Variants in TVP23A observed in about 807,000 individuals in gnomAD.
The protein encoded by TVP23A is Golgi apparatus membrane protein TVP23 homolog A.
In TVP23A, 21 loss-of-function variants were observed where a neutral mutation model predicts 31.7. The observed-to-expected ratio is 0.66, with a 90% confidence interval of 0.47 to 0.95. TVP23A has a LOEUF of 0.95. Ranked by LOEUF, TVP23A falls within the 40% of genes least tolerant of loss-of-function variation. The pLI is 0.00. For missense variants in TVP23A, 279 were observed against 255.6 expected (o/e 1.09, Z -0.62); for synonymous variants, 104 against 96.0 (o/e 1.08, Z -0.49).
intron 2 of TVP23A, among the ~76,000 whole-genome samples, chr16:10,780,897 C>T (rs541308603): frequency 6.6e-6 from 1 of 152,178 alleles, no homozygotes; most frequent in East Asian, 1.9e-4. Flanking sequence ...GAGGGGACTA[C>T]CTTTTGTCTT....
chr16:10,807,669 G>T (rs1355298898), intron 2 of TVP23A, among the ~76,000 whole-genome samples: 1 of 152,174 alleles, frequency 6.6e-6, no homozygotes, highest in African/African-American at 2.4e-5. Context: ...TGCCAAGGCT[G>T]AGAAGCTGCT....
chr16:10,773,076 C>T (rs1168414975), intron 5 of TVP23A, among the ~76,000 whole-genome samples: 1 of 152,180 alleles, frequency 6.6e-6, no homozygotes, highest in Non-Finnish European at 1.5e-5. Flanking sequence ...CTCCTGAGCT[C>T]AAGCAATCCT....
chr16:10,765,434 G>C (rs1480873588), downstream of TVP23A, among the ~76,000 whole-genome samples: 2 of 151,996 alleles, frequency 1.3e-5, no homozygotes, highest in Non-Finnish European at 2.9e-5. The surrounding 1 kb of genome is among the most constrained non-coding windows in gnomAD (Gnocchi z 4.0). Flanking sequence ...TTGAGCCCAG[G>C]GAGGTTGAGG....
chr16:10,789,050 G>A (rs746170539), intron 2 of TVP23A, among the ~76,000 whole-genome samples: 2 of 152,112 alleles, frequency 1.3e-5, no homozygotes, highest in Non-Finnish European at 2.9e-5. Flanking sequence ...AACAGATCTC[G>A]AACTCCTGAC....
chr16:10,762,806 G>A (rs2030177926), downstream of TVP23A, among the ~76,000 whole-genome samples: 1 of 148,916 alleles, frequency 6.7e-6, no homozygotes, highest in Non-Finnish European at 1.5e-5. Context: ...GAGGGTGGGG[G>A]CCGCGTGCTT....
chr16:10,758,089 C>A (rs773837662), downstream of TVP23A: 5 of 1,567,554 alleles, frequency 3.2e-6, no homozygotes, highest in Non-Finnish European at 4.4e-6. Context: ...GATTTCTTTC[C>A]TACCTGGCTC....
chr16:10,818,322 C>G lies in TVP23A; in HGVS notation c.10-140G>C. 3 of 1,348,888 alleles carry G rather than the reference C, an allele frequency of 2.2e-6. No individual in the cohort carries two copies. Among genetic ancestry groups the G allele is most frequent in the Non-Finnish European group, 2.0e-6 (2 of 982,810 alleles). 83.6% of individuals were successfully genotyped at this position (1,348,888 alleles called of 1,614,324 possible). A position where few individuals can be genotyped will look rare whatever the true frequency, so the allele number is the denominator to read the frequency against. On this transcript the variant is annotated intron_variant, in intron 1 of 7. Transcript: ENST00000299866. The surrounding 1 kb of genome is among the most constrained non-coding windows in gnomAD (Gnocchi z 4.7). ...ACCCTCCGAGCTGGCGGGGCCCCTC[C>G]GCTGCGGCTGCAGTGCAAAGCCCTC...
At position 10,818,723 on chromosome 16, in the gene TVP23A, G is replaced by T; in HGVS notation, c.-230C>A. ...GGAGGGGGCTCGGCTCGCCGGGGAC[G>T]CGCCCAGGAGAGAAAGCGGCGGCAG... is the stretch of plus-strand genomic sequence containing the variant. On this transcript the variant is annotated 5_prime_UTR_variant, in exon 1 of 8. Transcript: ENST00000299866. The surrounding 1 kb of genome is among the most constrained non-coding windows in gnomAD (Gnocchi z 4.7). 1 of 505,604 alleles carries T rather than the reference G, an allele frequency of 2.0e-6. No individual in the cohort carries two copies. The highest frequency in any genetic ancestry group is 3.4e-6 in the Non-Finnish European group (1 of 294,200). 31.3% of individuals were successfully genotyped at this position (505,604 alleles called of 1,614,324 possible). A position where few individuals can be genotyped will look rare whatever the true frequency, so the allele number is the denominator to read the frequency against.
intron 2 of TVP23A, among the ~76,000 whole-genome samples, chr16:10,782,476 G>A (rs1567288750): frequency 6.6e-6 from 1 of 151,982 alleles, no homozygotes; most frequent in Non-Finnish European, 1.5e-5. Context: ...GTGTCATGAA[G>A]TTTTGTTGGT....
In TVP23A at chr16:10,779,594, G is replaced by C. The variant is rs547006961; in HGVS notation, c.90-4498C>G. ...ATGGCACCAGCTGCGTGTGTTCCCG[G>C]ACCAACTGAGAATCAGGCGGCATAT... is the stretch of plus-strand genomic sequence containing the variant. On this transcript the variant is annotated intron_variant, in intron 2 of 7. Transcript: ENST00000299866. The surrounding 1 kb of genome is among the most constrained non-coding windows in gnomAD (Gnocchi z 4.9). Among the ~76,000 whole-genome samples, 1 of 152,308 alleles carries C rather than the reference G, an allele frequency of 6.6e-6. No homozygotes were observed. Among genetic ancestry groups the C allele is most frequent in the African/African-American group, 2.4e-5 (1 of 41,570 alleles).
chr16:10,784,261 G>A (rs138935379), intron 2 of TVP23A, among the ~76,000 whole-genome samples: 244 of 149,834 alleles, frequency 1.6e-3, no homozygotes, highest in African/African-American at 4.8e-3. Context: ...CCCAGGAGGC[G>A]GAGGTTGCAG....
chr16:10,818,159 ATCCTCGGTATCG>A lies in TVP23A; in HGVS notation c.21_32del (p.Asp8_Asp11del). 2 of 1,607,440 alleles carry A rather than the reference ATCCTCGGTATCG, an allele frequency of 1.2e-6. No individual in the cohort carries two copies. The highest frequency in any genetic ancestry group is 8.5e-7 in the Non-Finnish European group (1 of 1,177,148). ...CCTCGTTTCCAAAGTCCAGGGACAC[ATCCTCGGTATCG>A]TCCACCAGGGCCTGGGAGGAGAGCA... On this transcript the variant is annotated inframe_deletion, in exon 2 of 8. Transcript: ENST00000299866. This position sits in a 1 kb window ranked among gnomAD's most constrained non-coding sequence, Gnocchi z 4.7.
At chr16:10,769,994 G>A (rs1398165906) in intron 7 of TVP23A, among the ~76,000 whole-genome samples, 1 of 150,492 alleles carries the variant, frequency 6.6e-6, no homozygotes, top group Non-Finnish European at 1.5e-5. Context: ...TTCCCTCCCC[G>A]CCCTTCCCTA....
At chr16:10,787,416 G>C (rs943130298) in intron 2 of TVP23A, among the ~76,000 whole-genome samples, 2 of 152,156 alleles carry the variant, frequency 1.3e-5, no homozygotes, top group South Asian at 4.1e-4. Context: ...CCTGGGACTA[G>C]GTATGTTCAA....
intron 2 of TVP23A, among the ~76,000 whole-genome samples, chr16:10,788,664 C>G (rs1465739280): frequency 6.6e-6 from 1 of 152,204 alleles, no homozygotes; most frequent in Non-Finnish European, 1.5e-5. Flanking sequence ...TTATTGAGTA[C>G]AGTCACTTAG....
chr16:10,796,415 A>T (rs1047250585), intron 2 of TVP23A, among the ~76,000 whole-genome samples: 2 of 150,058 alleles, frequency 1.3e-5, no homozygotes, highest in Non-Finnish European at 3.0e-5. Context: ...ATGTAGTAAA[A>T]GGGATTTTAT....
chr16:10,806,583 C>G (rs2033955736), intron 2 of TVP23A, among the ~76,000 whole-genome samples: 1 of 152,178 alleles, frequency 6.6e-6, no homozygotes, highest in South Asian at 2.1e-4. Flanking sequence ...CTCACTGCAA[C>G]CTTTACCTCC....
chr16:10,777,475 T>C lies in TVP23A; in HGVS notation c.90-2379A>G, dbSNP rs779976388. Among the ~76,000 whole-genome samples, 4 of 152,114 alleles carry C rather than the reference T, an allele frequency of 2.6e-5. No individual in the cohort carries two copies. The highest frequency in any genetic ancestry group is 4.4e-5 in the Non-Finnish European group (3 of 68,010). ...ACACAGAACTGCAGGGGAAAGCGCC[T>C]GCTCATTCTCCCCAAGAAGAAACGG... On this transcript the variant is annotated intron_variant, in intron 2 of 7. Transcript: ENST00000299866. This position sits in a 1 kb window ranked among gnomAD's most constrained non-coding sequence, Gnocchi z 4.5.
chr16:10,783,442 G>A (rs2032544990), intron 2 of TVP23A, among the ~76,000 whole-genome samples: 1 of 152,186 alleles, frequency 6.6e-6, no homozygotes, highest in Non-Finnish European at 1.5e-5. Flanking sequence ...TTGGGAGGCT[G>A]AGGTGGGCAG....
Sources: allele counts gnomAD v4.1 joint callset (sites outside exome capture counted in the v4.1 genomes callset), GRCh38; gene constraint gnomAD v4.1.1; non-coding constraint Gnocchi (gnomAD v3.1); transcripts MANE v1.5; gene names NCBI Gene and HGNC (gene_info 2026-07-23, HGNC 2026-07-21).